The following EYS variants were observed in gnomAD, a reference collection of about 807,000 sequenced individuals.
EYS encodes EGF-like photoreceptor maintenance factor, also known as protein eyes shut homolog.
A neutral mutation model predicts 282.1 loss-of-function variants in EYS; 250 were observed. The observed-to-expected ratio is 0.89, with a 90% CI of 0.80 to 0.98. The LOEUF is 0.98. EYS is among the 50% of genes least tolerant of loss of function. EYS has a pLI of 0.00. For synonymous variants in EYS, 1,355 were observed against 1,282.9 expected, an observed-to-expected ratio of 1.06 and a Z score of -1.20; for missense variants, 4,016 against 3,709.0, an observed-to-expected ratio of 1.08 and a Z score of -2.15.
At chr6:64,359,645 AGTGAATTCGGTTTCT>A (rs1771939725) in intron 29 of EYS, among the ~76,000 whole-genome samples, 2 of 151,842 alleles carry the variant, frequency 1.3e-5, no homozygotes, top group South Asian at 4.1e-4. Flanking sequence ...TTGGGGTGCC[AGTGAATTCGGTTTCT>A]GGTAAGAATT....
chr6:64,321,807 C>T (rs1160778001), intron 29 of EYS, among the ~76,000 whole-genome samples: 1 of 151,762 alleles, frequency 6.6e-6, no homozygotes, highest in Non-Finnish European at 1.5e-5. Context: ...GTCTATAAGG[C>T]CAACTATCAC....
intron 40 of EYS, among the ~76,000 whole-genome samples, chr6:63,772,407 TG>T (rs1462908473): frequency 2.6e-5 from 4 of 152,194 alleles, no homozygotes; most frequent in Admixed American, 2.6e-4. Flanking sequence ...TAGTTCCTAA[TG>T]ATTAATGTTA....
chr6:64,020,858 A>G (rs1769154774), intron 33 of EYS, among the ~76,000 whole-genome samples: 1 of 152,190 alleles, frequency 6.6e-6, no homozygotes. Context: ...TATTATTAAT[A>G]CCAAAGAAAG....
chr6:64,039,728 A>G (rs975148480), intron 33 of EYS, among the ~76,000 whole-genome samples: 3 of 152,174 alleles, frequency 2.0e-5, no homozygotes, highest in Non-Finnish European at 4.4e-5. Flanking sequence ...GTAGCTTGAG[A>G]GGCAGGAATT....
At chr6:64,806,155 T>C (rs1324368999) in intron 22 of EYS, among the ~76,000 whole-genome samples, 1 of 151,760 alleles carries the variant, frequency 6.6e-6, no homozygotes, top group Non-Finnish European at 1.5e-5. Context: ...TTCCATCTTT[T>C]ATTTTTGAAA....
At chr6:65,629,642 C>A (rs1766843628) in intron 2 of EYS, among the ~76,000 whole-genome samples, 3 of 152,140 alleles carry the variant, frequency 2.0e-5, no homozygotes, top group Admixed American at 2.0e-4. Context: ...CATCAGTCCA[C>A]TCCAAAACCT....
At chr6:64,344,705 C>T (rs568613653) in intron 29 of EYS, among the ~76,000 whole-genome samples, 12 of 152,028 alleles carry the variant, frequency 7.9e-5, no homozygotes, top group Admixed American at 3.9e-4. Context: ...CCAGGGCAAT[C>T]AGGCAGGAGA....
intron 33 of EYS, among the ~76,000 whole-genome samples, chr6:64,009,706 G>A (rs577987999): frequency 1.3e-5 from 2 of 151,968 alleles, no homozygotes; most frequent in South Asian, 4.2e-4. Flanking sequence ...GTTCCTATCC[G>A]TATTCTGAAT....
intron 18 of EYS, among the ~76,000 whole-genome samples, chr6:64,895,624 G>A (rs1767436214): frequency 6.6e-6 from 1 of 152,138 alleles, no homozygotes; most frequent in Non-Finnish European, 1.5e-5. Context: ...CAACAGAACA[G>A]CAATAGAGAA....
chr6:64,185,636 T>C (rs769837583), intron 31 of EYS, among the ~76,000 whole-genome samples: 4 of 152,204 alleles, frequency 2.6e-5, no homozygotes, highest in Non-Finnish European at 5.9e-5. Context: ...GCAGGTCTAA[T>C]ATCCTATATT....
At chr6:64,110,245 T>C (rs1773162496) in intron 31 of EYS, among the ~76,000 whole-genome samples, 1 of 152,022 alleles carries the variant, frequency 6.6e-6, no homozygotes, top group Non-Finnish European at 1.5e-5. Flanking sequence ...CCACTTCACA[T>C]AAATAATATA....
chr6:64,324,876 G>T (rs1333079536), intron 29 of EYS, among the ~76,000 whole-genome samples: 2 of 152,008 alleles, frequency 1.3e-5, no homozygotes, highest in Non-Finnish European at 2.9e-5. Context: ...TAACCACAAA[G>T]AAAATGAAAT....
chr6:65,461,425 G>A (rs761586409), intron 5 of EYS, among the ~76,000 whole-genome samples: 24 of 152,000 alleles, frequency 1.6e-4, no homozygotes, highest in Non-Finnish European at 2.9e-5. Flanking sequence ...CTAACTCATC[G>A]ACTTCCAGTT....
intron 12 of EYS, among the ~76,000 whole-genome samples, chr6:65,128,860 A>T (rs1402172853): frequency 6.6e-6 from 1 of 152,064 alleles, no homozygotes; most frequent in Non-Finnish European, 1.5e-5. Context: ...TGGCCCAAGC[A>T]ATCCTAAGCA....
intron 29 of EYS, among the ~76,000 whole-genome samples, chr6:64,355,440 C>A (rs1771792451): frequency 6.6e-6 from 1 of 151,536 alleles, no homozygotes; most frequent in African/African-American, 2.4e-5. Flanking sequence ...GTAACACACA[C>A]ACTTTTTGTG....
intron 5 of EYS, among the ~76,000 whole-genome samples, chr6:65,461,507 C>A (rs1191600926): frequency 2.6e-5 from 4 of 151,998 alleles, no homozygotes; most frequent in African/African-American, 4.8e-5. Context: ...GCTCCTTTGC[C>A]CTCTCTGCGA....
At chr6:65,251,255 TATAAA>T (rs1767315607) in intron 12 of EYS, among the ~76,000 whole-genome samples, 1 of 151,620 alleles carries the variant, frequency 6.6e-6, no homozygotes, top group African/African-American at 2.4e-5. Flanking sequence ...GCATCAATTT[TATAAA>T]ATAAAATTAA....
chr6:64,814,775 A>T (rs1336256393), intron 21 of EYS, among the ~76,000 whole-genome samples: 1 of 151,552 alleles, frequency 6.6e-6, no homozygotes, highest in Non-Finnish European at 1.5e-5. Flanking sequence ...TAATGAACCT[A>T]AACCAACTTG....
At position 64,034,843 on chromosome 6, in the gene EYS, GA is replaced by G. The variant is rs575761921; in HGVS notation, c.6725+31494del. Among the ~76,000 whole-genome samples, 420 of 149,678 alleles carry G rather than the reference GA, an allele frequency of 2.8e-3. 2 individuals are homozygous for G. Among genetic ancestry groups the G allele is most frequent in the African/African-American group, 9.8e-3 (400 of 40,872 alleles). The stretch of plus-strand genomic sequence containing the variant: ...ACGAGGCATTCTCTTACAACTAAAG[GA>G]AAAAAAAAGAGTCTAAGCTGCAGCA... On this transcript the variant is annotated intron_variant, in intron 33 of 42. Transcript: ENST00000503581.
Sources: gnomAD v4.1 joint callset for allele counts (sites outside exome capture counted in the v4.1 genomes callset) on GRCh38, gnomAD v4.1.1 for gene constraint, MANE v1.5 for transcripts, NCBI Gene and HGNC (gene_info 2026-07-23, HGNC 2026-07-21) for gene names.